The following RNF216 variants were observed in gnomAD, a reference collection of about 807,000 sequenced individuals.
RNF216 encodes ring finger protein 216, also known as E3 ubiquitin-protein ligase RNF216.
A neutral mutation model predicts 110.8 loss-of-function variants in RNF216; 72 were observed. The ratio of observed to expected loss-of-function variants is 0.65; its 90% CI spans 0.54 to 0.79. RNF216 has a LOEUF of 0.79. RNF216 is among the 30% of genes least tolerant of loss of function. The pLI, the probability that RNF216 is intolerant of heterozygous loss-of-function variation, is 0.00. For synonymous variants in RNF216, 495 were observed against 407.5 expected, an observed-to-expected ratio of 1.21 and a Z score of -2.59; for missense variants, 1,342 against 1,141.2, an observed-to-expected ratio of 1.18 and a Z score of -2.54.
At chr7:5,732,252 T>C (rs1332644385) in intron 5 of RNF216, among the ~76,000 whole-genome samples, 1 of 152,222 alleles carries the variant, frequency 6.6e-6, no homozygotes, top group Non-Finnish European at 1.5e-5. Flanking sequence ...GACCTGAGAA[T>C]TAGCCACCAG....
intron 13 of RNF216, 151 bp downstream of exon 13, chr7:5,711,610 A>T (rs191045505): frequency 7.5e-6 from 5 of 664,272 alleles, no homozygotes; most frequent in Non-Finnish European, 1.3e-5. Flanking sequence ...CGTTACTCAC[A>T]AAGTACTCGT....
chr7:5,755,671 AT>A (rs1674429706), intron 2 of RNF216, among the ~76,000 whole-genome samples: 1 of 152,234 alleles, frequency 6.6e-6, no homozygotes, highest in Non-Finnish European at 1.5e-5. Context: ...CACTATATGA[AT>A]ATAACATAAA....
At chr7:5,756,080 T>C (rs997831617) in intron 2 of RNF216, among the ~76,000 whole-genome samples, 5 of 151,608 alleles carry the variant, frequency 3.3e-5, no homozygotes, top group African/African-American at 7.3e-5. Flanking sequence ...AATCGGATCA[T>C]GGGGGCAGTT....
At chr7:5,726,122 C>CA (rs1171547428) in intron 7 of RNF216, among the ~76,000 whole-genome samples, 1 of 151,866 alleles carries the variant, frequency 6.6e-6, no homozygotes, top group South Asian at 2.1e-4. Flanking sequence ...ACTAAAAATA[C>CA]AAAAAAATAG....
intron 13 of RNF216, among the ~76,000 whole-genome samples, chr7:5,655,111 C>T (rs1204830242): frequency 6.6e-6 from 1 of 152,234 alleles, no homozygotes; most frequent in African/African-American, 2.4e-5. Context: ...GGGTCTTCCT[C>T]ATAAGGGAAG....
In RNF216 at chr7:5,622,242, AC is replaced by A; in HGVS notation, c.*617del. The A allele has an allele frequency of 6.6e-6, 1 of 152,210 alleles. No individual in the cohort carries two copies. The allele number at this position is 152,210 out of a possible 1,614,324, so 9.4% of individuals were successfully genotyped here. A position where few individuals can be genotyped will look rare whatever the true frequency, so the allele number is the denominator to read the frequency against. On this transcript the variant is annotated 3_prime_UTR_variant, in exon 17 of 17. Coordinates refer to ENST00000389902, the MANE Select transcript of RNF216 (RefSeq NM_207111.4). ...GAAAGTTAGGCGGCAACAGAACAAA[AC>A]CCCCGCCGCGAGATGGGTCTGCTGC...
rs1008875292 is a variant in RNF216 at position 5,656,820 on chromosome 7, C to G, written c.2062-4310G>C. On this transcript the variant is annotated intron_variant, in intron 13 of 16. Transcript: ENST00000389902. Reference sequence around the variant, plus strand: ...AGATTAAATTCAATTCCAGATGACCCTATCATGATGGGAGCTGAAATTTCT... The same window carrying G: ...AGATTAAATTCAATTCCAGATGACCGTATCATGATGGGAGCTGAAATTTCT... Among the ~76,000 whole-genome samples the G allele has an allele frequency of 3.3e-5, 5 of 152,290 alleles. No individual in the cohort carries two copies. In the East Asian group the frequency reaches 9.6e-4, roughly 29 times the overall value.
chr7:5,762,467 C>T (rs1795984047), intron 1 of RNF216, among the ~76,000 whole-genome samples: 2 of 151,610 alleles, frequency 1.3e-5, no homozygotes, highest in South Asian at 2.1e-4. Context: ...ACCATCCTGG[C>T]CAACACGGTG....
chr7:5,686,466 A>G (rs555115026), intron 13 of RNF216, among the ~76,000 whole-genome samples: 3 of 152,296 alleles, frequency 2.0e-5, no homozygotes, highest in South Asian at 2.1e-4. Context: ...TGGTGGCTTA[A>G]GAGTCTGAAT....
intron 15 of RNF216, among the ~76,000 whole-genome samples, chr7:5,638,923 T>C (rs552936520): frequency 3.3e-5 from 5 of 152,264 alleles, no homozygotes; most frequent in Non-Finnish European, 7.4e-5. Flanking sequence ...CCACTGCACC[T>C]GGCCAGCAAG....
Position 5,754,119 on chromosome 7 carries a change from GGTGTGTGTGTGTGTGTGT to G in RNF216, c.68-1158_68-1141del, listed in dbSNP as rs10543449. Among the ~76,000 whole-genome samples, 635 of 142,090 alleles carry G rather than the reference GGTGTGTGTGTGTGTGTGT, an allele frequency of 4.5e-3. 2 individuals carry two copies. The highest frequency in any genetic ancestry group is 8.2e-3 in the African/African-American group (309 of 37,824). The allele number at this position is 142,090 out of a possible 152,430, so 93.2% of individuals were successfully genotyped here. A position where few individuals can be genotyped will look rare whatever the true frequency, so the allele number is the denominator to read the frequency against. ...AAGCTGTAATGTTTTTCTTTTGTGT[GGTGTGTGTGTGTGTGTGT>G]GTGTGTGTGTGTGTGTGTGTGTGTG... On this transcript the variant is annotated intron_variant, in intron 2 of 16. Transcript: ENST00000389902.
At position 5,641,391 on chromosome 7, in the gene RNF216, C is replaced by T; in HGVS notation, c.2160-15G>A. On this transcript the variant is annotated splice_polypyrimidine_tract_variant and intron_variant, in intron 14 of 16. Transcript: ENST00000389902. ...TTTTTTCTTCACTGAAATAAGAAAA[C>T]ATAATTTGGAGCTGGGAGGGAAGAT... The T allele has an allele frequency of 6.2e-7, 1 of 1,603,466 alleles. No homozygotes were observed. The highest frequency in any genetic ancestry group is 1.1e-5 in the South Asian group (1 of 90,414).
chr7:5,764,416 G>A (rs900470406), intron 1 of RNF216, among the ~76,000 whole-genome samples: 1 of 152,092 alleles, frequency 6.6e-6, no homozygotes, highest in Non-Finnish European at 1.5e-5. Context: ...GGGAGGCTGA[G>A]GAGAGCGGAT....
chr7:5,693,506 A>G, intron 13 of RNF216, among the ~76,000 whole-genome samples: 1 of 152,212 alleles, frequency 6.6e-6, no homozygotes, highest in Non-Finnish European at 1.5e-5. Flanking sequence ...AATGCTAAGA[A>G]GCTCCAAGAC....
intron 10 of RNF216, among the ~76,000 whole-genome samples, chr7:5,716,409 T>C (rs117812387): frequency 2.0e-4 from 31 of 152,284 alleles, no homozygotes; most frequent in Non-Finnish European, 3.8e-4. Context: ...GCCCTGAGGT[T>C]AGACATACCT....
chr7:5,733,314 C>A (rs1794198604), intron 5 of RNF216, among the ~76,000 whole-genome samples: 1 of 152,204 alleles, frequency 6.6e-6, no homozygotes, highest in South Asian at 2.1e-4. Context: ...TTCTGAGTGA[C>A]ACAAAAAGCA....
At position 5,758,640 on chromosome 7, in the gene RNF216, C is replaced by T. The variant is rs150453303; in HGVS notation, c.67+2363G>A. ...CCTTTAAGATTTAATGACCGCCCTG[C>T]TGGGTTTTGGACTTGTGTGGGACCT... is the stretch of plus-strand genomic sequence containing the variant. On this transcript the variant is annotated intron_variant, in intron 2 of 16. Coordinates refer to ENST00000389902, the MANE Select transcript of RNF216 (RefSeq NM_207111.4). Among the ~76,000 whole-genome samples, 657 of 152,258 alleles carry T rather than the reference C, an allele frequency of 4.3e-3. 1 individual carries two copies. The highest frequency in any genetic ancestry group is 7.0e-3 in the Non-Finnish European group (473 of 68,018).
chr7:5,626,830 G>A lies in RNF216; in HGVS notation c.2383-2705C>T, dbSNP rs116719191. On this transcript the variant is annotated intron_variant, in intron 15 of 16. Transcript: ENST00000389902. ...GGCTGCTTTGTTAAGGACTGAATGA[G>A]CTCAAGTATGTAAAGGATGTAGCCC... Among the ~76,000 whole-genome samples, 692 of 152,314 alleles carry A rather than the reference G, an allele frequency of 4.5e-3. 6 individuals are homozygous for A. Among genetic ancestry groups the A allele is most frequent in the African/African-American group, 0.016 (674 of 41,560 alleles).
chr7:5,652,326 C>G (rs771653100), intron 14 of RNF216, 87 bp downstream of exon 14: 1 of 960,926 alleles, frequency 1.0e-6, no homozygotes, highest in East Asian at 2.4e-5. Flanking sequence ...CGTGTTCTTC[C>G]GACAACAGTA....
Sources: gnomAD v4.1 joint callset for allele counts (sites outside exome capture counted in the v4.1 genomes callset) on GRCh38, gnomAD v4.1.1 for gene constraint, MANE v1.5 for transcripts, NCBI Gene and HGNC (gene_info 2026-07-23, HGNC 2026-07-21) for gene names.